Variants in RERE observed in about 807,000 individuals in gnomAD.
The protein encoded by RERE is arginine-glutamic acid dipeptide repeats protein.
RERE carries 40 observed loss-of-function variants against 146.1 expected under a neutral mutation model. That is an observed-to-expected ratio of 0.27 (90% CI 0.21 to 0.36). The LOEUF (loss-of-function observed/expected upper bound fraction) is 0.36. RERE is among the 10% of genes least tolerant of loss of function. RERE has a pLI of 1.00. For synonymous variants in RERE, 1,003 were observed against 866.0 expected, an observed-to-expected ratio of 1.16 and a Z score of -2.78; for missense variants, 1,933 against 2,138.7, an observed-to-expected ratio of 0.90 and a Z score of 1.90.
At chr1:8,732,928 T>C (rs1181690905) in intron 1 of RERE, among the ~76,000 whole-genome samples, 1 of 148,676 alleles carries the variant, frequency 6.7e-6, no homozygotes, top group Non-Finnish European at 1.5e-5. Context: ...TTCACGCCAT[T>C]CTCCTGCCTC....
At chr1:8,448,147 TG>T (rs1283096983) in intron 11 of RERE, among the ~76,000 whole-genome samples, 2 of 152,210 alleles carry the variant, frequency 1.3e-5, no homozygotes, top group African/African-American at 4.8e-5. Context: ...CAGGGCCACC[TG>T]GAGGCCTCTG....
intron 4 of RERE, among the ~76,000 whole-genome samples, chr1:8,605,585 C>CA (rs1033015618): frequency 1.3e-5 from 2 of 151,628 alleles, no homozygotes; most frequent in African/African-American, 4.8e-5. Flanking sequence ...CCCATCTCTA[C>CA]AAAAAATACA....
intron 1 of RERE, among the ~76,000 whole-genome samples, chr1:8,773,563 C>T (rs187726798): frequency 1.3e-3 from 197 of 152,198 alleles, no homozygotes; most frequent in East Asian, 1.9e-3. Flanking sequence ...CGGTAGCTCA[C>T]GCCTGTAATC....
At chr1:8,371,466 T>C (rs7546705) in intron 12 of RERE, among the ~76,000 whole-genome samples, 287 of 152,274 alleles carry the variant, frequency 1.9e-3, no homozygotes, top group African/African-American at 6.5e-3. Flanking sequence ...GTAAGCTGCT[T>C]GGCACCAGGC....
rs146657611 is a variant in RERE, at chr1:8,423,449, T to C, written c.1204-642A>G. The C allele has an allele frequency of 2.6e-6, 2 of 762,082 alleles. No individual in the cohort carries two copies. The highest frequency in any genetic ancestry group is 1.9e-5 in the African/African-American group (1 of 52,816). The allele number at this position is 762,082 out of a possible 1,614,324, so 47.2% of individuals were successfully genotyped here. The stretch of plus-strand genomic sequence containing the variant: ...GACGCCACTCGCCGCCCCCATCCAT[T>C]TTCGCAGCAGACTCGTCCCTAACCC... On this transcript the variant is annotated intron_variant, in intron 11 of 22. Coordinates refer to ENST00000400908, the MANE Select transcript of RERE (RefSeq NM_001042681.2). This position sits in a 1 kb window ranked among gnomAD's most constrained non-coding sequence, Gnocchi z 5.4.
chr1:8,568,119 G>C (rs1646173846), intron 4 of RERE, among the ~76,000 whole-genome samples: 1 of 152,030 alleles, frequency 6.6e-6, no homozygotes, highest in Admixed American at 6.6e-5. Flanking sequence ...TAATCGGCTG[G>C]GGTCCAGAAC....
chr1:8,621,957 CACA>C (rs200601253), intron 3 of RERE, among the ~76,000 whole-genome samples: 1 of 152,174 alleles, frequency 6.6e-6, no homozygotes, highest in Non-Finnish European at 1.5e-5. Context: ...GTTGTTCTTA[CACA>C]ACAACTATGA....
At chr1:8,653,005 CTG>C in intron 2 of RERE, among the ~76,000 whole-genome samples, 1 of 152,280 alleles carries the variant, frequency 6.6e-6, no homozygotes, top group Admixed American at 6.5e-5. Flanking sequence ...AGATCCAAGA[CTG>C]TTTGTGGTTT....
At chr1:8,362,943 A>G (rs1177186286) in intron 15 of RERE, 99 bp from the exon 16 acceptor site, 1 of 1,355,044 alleles carries the variant, frequency 7.4e-7, no homozygotes, top group African/African-American at 1.5e-5. Context: ...GGCACACCCT[A>G]TCAGCCTCTC....
chr1:8,584,464 A>G (rs7549914), intron 4 of RERE, among the ~76,000 whole-genome samples: 1,694 of 152,192 alleles, frequency 0.011, 31 homozygotes, highest in African/African-American at 0.039. Context: ...GGAAAATCAC[A>G]TAAGCACAGG....
At chr1:8,377,139 T>C (rs1642282542) in intron 12 of RERE, among the ~76,000 whole-genome samples, 2 of 152,192 alleles carry the variant, frequency 1.3e-5, no homozygotes, top group South Asian at 4.2e-4. Flanking sequence ...TTGAGGCCAC[T>C]GCAAAACAGT....
intron 1 of RERE, among the ~76,000 whole-genome samples, chr1:8,772,227 C>T (rs757827271): frequency 4.6e-5 from 7 of 151,796 alleles, no homozygotes; most frequent in Admixed American, 6.6e-5. Flanking sequence ...CAAACATATG[C>T]TTATTTTTTT....
chr1:8,506,447 A>G (rs908659778), intron 8 of RERE, among the ~76,000 whole-genome samples: 3 of 152,228 alleles, frequency 2.0e-5, no homozygotes, highest in Non-Finnish European at 2.9e-5. Context: ...CTTTCATTAC[A>G]GAGTTAAAAT....
chr1:8,401,514 C>T (rs1407952697), intron 12 of RERE, among the ~76,000 whole-genome samples: 1 of 152,096 alleles, frequency 6.6e-6, no homozygotes, highest in Admixed American at 6.6e-5. Flanking sequence ...AATCCCAGCA[C>T]TTTGGGAGGT....
intron 11 of RERE, among the ~76,000 whole-genome samples, chr1:8,433,232 T>A (rs1644118854): frequency 6.6e-6 from 1 of 152,216 alleles, no homozygotes; most frequent in African/African-American, 2.4e-5. Flanking sequence ...TCAATTTCTA[T>A]GTCCCTGGTT....
At chr1:8,385,759 G>A (rs1389319344) in intron 12 of RERE, among the ~76,000 whole-genome samples, 1 of 149,948 alleles carries the variant, frequency 6.7e-6, no homozygotes, top group African/African-American at 2.5e-5. Context: ...TCAGGAGATC[G>A]AGACTATCCT....
intron 8 of RERE, among the ~76,000 whole-genome samples, chr1:8,498,732 T>TACACACACAC (rs1553175300): frequency 0.095 from 10,215 of 107,474 alleles, 708 homozygotes; most frequent in African/African-American, 0.11. Context: ...AATAAATATA[T>TACACACACAC]ACACACACAC....
At chr1:8,639,328 A>G (rs1439992214) in intron 2 of RERE, among the ~76,000 whole-genome samples, 1 of 152,202 alleles carries the variant, frequency 6.6e-6, no homozygotes, top group Non-Finnish European at 1.5e-5. Context: ...TGGTCTCTAC[A>G]ACAGCCAGCC....
At chr1:8,393,114 C>A (rs1160813768) in intron 12 of RERE, among the ~76,000 whole-genome samples, 2 of 152,114 alleles carry the variant, frequency 1.3e-5, no homozygotes, top group Non-Finnish European at 2.9e-5. Context: ...AGGGATTCGT[C>A]CCCAAGTTCC....
Sources: allele counts gnomAD v4.1 joint callset (sites outside exome capture counted in the v4.1 genomes callset), GRCh38; gene constraint gnomAD v4.1.1; non-coding constraint Gnocchi (gnomAD v3.1); transcripts MANE v1.5; gene names NCBI Gene and HGNC (gene_info 2026-07-23, HGNC 2026-07-21).